FOXP2: variants seen among roughly 807,000 people sequenced by gnomAD.
FOXP2 encodes forkhead box protein P2.
A neutral mutation model predicts 115.8 loss-of-function variants in FOXP2; 12 were observed. The observed-to-expected ratio is 0.10, with a 90% CI of 0.07 to 0.17. The LOEUF (loss-of-function observed/expected upper bound fraction) is 0.17. Among genes scored for constraint, FOXP2 ranks in the 10% least tolerant of loss-of-function variants. The pLI is 1.00. For synonymous variants in FOXP2, 328 were observed against 297.7 expected, an observed-to-expected ratio of 1.10 and a Z score of -1.05; for missense variants, 629 against 843.5, an observed-to-expected ratio of 0.75 and a Z score of 3.15.
At chr7:114,617,524 C>T (rs1002032985) in intron 3 of FOXP2, among the ~76,000 whole-genome samples, 1 of 152,134 alleles carries the variant, frequency 6.6e-6, no homozygotes, top group Non-Finnish European at 1.5e-5. Flanking sequence ...CTGGGCGAGG[C>T]GGCTCACGCG....
At chr7:114,140,069 C>T (rs1175513653) in intron 1 of FOXP2, among the ~76,000 whole-genome samples, 6 of 151,868 alleles carry the variant, frequency 4.0e-5, no homozygotes, top group Admixed American at 1.3e-4. Context: ...GCTGAGATCG[C>T]GCCACTGCAC....
At chr7:114,471,655 C>T (rs932304713) in intron 2 of FOXP2, among the ~76,000 whole-genome samples, 4 of 151,934 alleles carry the variant, frequency 2.6e-5, no homozygotes, top group Non-Finnish European at 5.9e-5. Context: ...TTCCTTAAGA[C>T]TTATTTTATT....
chr7:114,453,296 A>C (rs1216847118), intron 2 of FOXP2, among the ~76,000 whole-genome samples: 1 of 152,158 alleles, frequency 6.6e-6, no homozygotes, highest in Non-Finnish European at 1.5e-5. Flanking sequence ...TTACGTTAGA[A>C]ACAGGAATTA....
intron 1 of FOXP2, among the ~76,000 whole-genome samples, chr7:114,115,188 G>A (rs1163365504): frequency 6.6e-6 from 1 of 152,002 alleles, no homozygotes; most frequent in Admixed American, 6.6e-5. Context: ...CTGGTATGTG[G>A]CTTTTGCTAT....
intron 16 of FOXP2, chr7:114,668,677 G>GT (rs964852212): frequency 1.3e-5 from 2 of 152,156 alleles, no homozygotes; most frequent in Admixed American, 1.3e-4. Flanking sequence ...ACATGCACGT[G>GT]TGTTTATGCA....
At chr7:114,534,816 G>C (rs1201719774) in intron 3 of FOXP2, 110 bp downstream of exon 3, 10 of 810,400 alleles carry the variant, frequency 1.2e-5, no homozygotes, top group African/African-American at 1.7e-5. Flanking sequence ...ATTTGCATAT[G>C]TAGGTAATTT....
chr7:114,375,957 TG>T (rs1792127976), intron 2 of FOXP2, among the ~76,000 whole-genome samples: 1 of 152,134 alleles, frequency 6.6e-6, no homozygotes, highest in Non-Finnish European at 1.5e-5. Context: ...ACTTGCAAGA[TG>T]GGAAGAATTT....
intron 7 of FOXP2, among the ~76,000 whole-genome samples, 181 bp downstream of exon 7, chr7:114,642,804 ATATATATATTT>A (rs1232413696): frequency 5.3e-4 from 7 of 13,272 alleles, no homozygotes; most frequent in Admixed American, 1.5e-3. Flanking sequence ...ATATATATAT[ATATATATATTT>A]TTTTTTTTTT....
chr7:114,195,291 C>T (rs2129158344), intron 1 of FOXP2, among the ~76,000 whole-genome samples: 1 of 152,260 alleles, frequency 6.6e-6, no homozygotes, highest in South Asian at 2.1e-4. Context: ...GTTAGAAATT[C>T]AGGTTTGACA....
At chr7:114,458,151 C>T (rs1795400472) in intron 2 of FOXP2, among the ~76,000 whole-genome samples, 1 of 152,098 alleles carries the variant, frequency 6.6e-6, no homozygotes, top group South Asian at 2.1e-4. Context: ...AATATCTGAA[C>T]ATATGGGTAT....
chr7:114,647,062 A>C (rs1805952080), intron 8 of FOXP2, among the ~76,000 whole-genome samples: 1 of 151,918 alleles, frequency 6.6e-6, no homozygotes, highest in Non-Finnish European at 1.5e-5. Flanking sequence ...AAAGTTTTTT[A>C]GGAAAATATT....
chr7:114,349,146 C>T (rs376658759), intron 2 of FOXP2, among the ~76,000 whole-genome samples: 1 of 151,608 alleles, frequency 6.6e-6, no homozygotes, highest in Admixed American at 6.6e-5. Context: ...TTCTGTATTC[C>T]GCAAATCACC....
rs1451222504 is a variant in FOXP2 at position 114,643,050 on chromosome 7, A to T, written c.989+427A>T. The stretch of plus-strand genomic sequence containing the variant: ...ATGGTCTCTATCTCCTGACCTCGTG[A>T]TCTTCCTGCTTCGGCCTCCCAAAGT... On this transcript the variant is annotated intron_variant, in intron 7 of 16. Transcript: ENST00000350908. 9.2e-5 allele frequency among the ~76,000 whole-genome samples: 14 copies of T among 151,458 alleles called. No individual in the cohort carries two copies. In the East Asian group the frequency reaches 2.7e-3, roughly 30 times the overall value.
intron 3 of FOXP2, among the ~76,000 whole-genome samples, chr7:114,552,248 T>G (rs1009744147): frequency 3.3e-5 from 5 of 152,182 alleles, no homozygotes; most frequent in African/African-American, 1.2e-4. Flanking sequence ...TGGTATTCCC[T>G]TCATGCTTTA....
chr7:114,683,611 G>A (rs182130607), intron 16 of FOXP2, among the ~76,000 whole-genome samples: 7 of 152,272 alleles, frequency 4.6e-5, no homozygotes, highest in South Asian at 2.1e-4. Context: ...TGGACAGGTC[G>A]AAGTCTTTAG....
chr7:114,240,942 G>T (rs1320262072), intron 1 of FOXP2, among the ~76,000 whole-genome samples: 1 of 151,916 alleles, frequency 6.6e-6, no homozygotes, highest in Non-Finnish European at 1.5e-5. Context: ...TCAGTGAGTT[G>T]TTGATAACAC....
intron 1 of FOXP2, among the ~76,000 whole-genome samples, chr7:114,236,735 G>A (rs952008990): frequency 1.3e-5 from 2 of 152,118 alleles, no homozygotes; most frequent in Non-Finnish European, 2.9e-5. Context: ...CCAGCACTTC[G>A]AGGGGCTGAG....
chr7:114,487,125 C>T (rs1378144670), intron 2 of FOXP2, among the ~76,000 whole-genome samples: 2 of 152,332 alleles, frequency 1.3e-5, no homozygotes, highest in Non-Finnish European at 2.9e-5. Flanking sequence ...CTAAAGCAAA[C>T]TTCTGCCTGG....
intron 1 of FOXP2, among the ~76,000 whole-genome samples, chr7:114,139,988 CTG>C (rs1332107234): frequency 6.6e-6 from 1 of 152,062 alleles, no homozygotes; most frequent in African/African-American, 2.4e-5. Context: ...TGGCAGGCGC[CTG>C]TAATCCCAGC....
Sources: gnomAD v4.1 joint callset for allele counts (sites outside exome capture counted in the v4.1 genomes callset) on GRCh38, gnomAD v4.1.1 for gene constraint, MANE v1.5 for transcripts, NCBI Gene and HGNC (gene_info 2026-07-23, HGNC 2026-07-21) for gene names.